The following MCPH1 variants were observed in gnomAD, a reference collection of about 807,000 sequenced individuals.
The protein encoded by MCPH1 is microcephalin.
A neutral mutation model predicts 84.5 loss-of-function variants in MCPH1; 104 were observed. The ratio of observed to expected loss-of-function variants is 1.23; its 90% CI spans 1.05 to 1.45. The LOEUF is 1.45. Ranked by LOEUF, MCPH1 falls within the 40% of genes most tolerant of loss-of-function variation. The pLI, the probability that MCPH1 is intolerant of heterozygous loss-of-function variation, is 0.00. For missense variants in MCPH1, 1,498 were observed against 1,005.7 expected, an observed-to-expected ratio of 1.49 and a Z score of -6.62; for synonymous variants, 514 against 366.8, an observed-to-expected ratio of 1.40 and a Z score of -4.58.
chr8:6,639,840 T>C (rs117450482), intron 13 of MCPH1, among the ~76,000 whole-genome samples: 2,315 of 152,252 alleles, frequency 0.015, 28 homozygotes, highest in Non-Finnish European at 0.025. Context: ...TCATTCTTTT[T>C]AACCATTGGG....
intron 9 of MCPH1, chr8:6,474,238 C>T (rs1808142900): frequency 5.1e-6 from 3 of 593,280 alleles, no homozygotes; most frequent in Non-Finnish European, 9.3e-6. Context: ...CATACAATTG[C>T]TTTTCTCAAG....
chr8:6,559,782 A>C (rs1825234213), intron 12 of MCPH1, among the ~76,000 whole-genome samples: 1 of 152,232 alleles, frequency 6.6e-6, no homozygotes, highest in Admixed American at 6.5e-5. Flanking sequence ...GGTTCACACT[A>C]GTTGCAGGAT....
chr8:6,496,073 A>G (rs529394315), intron 11 of MCPH1, among the ~76,000 whole-genome samples: 1 of 152,132 alleles, frequency 6.6e-6, no homozygotes, highest in South Asian at 2.1e-4. Context: ...CTTTATTTCT[A>G]TTATTATTAC....
chr8:6,515,567 G>A (rs777542903), intron 12 of MCPH1, among the ~76,000 whole-genome samples: 8 of 152,094 alleles, frequency 5.3e-5, no homozygotes, highest in South Asian at 2.1e-4. Context: ...TAAGCTAAGC[G>A]CATGCATGCT....
At chr8:6,440,909 G>C (rs1803413352) in intron 6 of MCPH1, among the ~76,000 whole-genome samples, 1 of 152,216 alleles carries the variant, frequency 6.6e-6, no homozygotes, top group Admixed American at 6.5e-5. Flanking sequence ...GAAGTAGGCA[G>C]CCAGGGCTGG....
At chr8:6,449,934 G>A (rs897455354) in intron 8 of MCPH1, among the ~76,000 whole-genome samples, 4 of 152,180 alleles carry the variant, frequency 2.6e-5, no homozygotes, top group African/African-American at 9.7e-5. Context: ...GCTTCTAGTT[G>A]CTTTTCACGA....
At chr8:6,414,549 C>T (rs1006878411) in intron 2 of MCPH1, among the ~76,000 whole-genome samples, 1 of 152,148 alleles carries the variant, frequency 6.6e-6, no homozygotes, top group Non-Finnish European at 1.5e-5. Flanking sequence ...AGTAACACTT[C>T]AGAGGGTTTT....
At chr8:6,630,693 A>C (rs974343348) in intron 13 of MCPH1, among the ~76,000 whole-genome samples, 2 of 151,672 alleles carry the variant, frequency 1.3e-5, no homozygotes, top group Non-Finnish European at 2.9e-5. Flanking sequence ...AGGCAGGAGA[A>C]TCGCTTGAAC....
At chr8:6,566,741 C>T (rs536598753) in intron 12 of MCPH1, among the ~76,000 whole-genome samples, 13 of 138,170 alleles carry the variant, frequency 9.4e-5, no homozygotes, top group African/African-American at 2.4e-4. Context: ...GGATAGTGCA[C>T]GTGTTGCGGT....
At chr8:6,481,033 C>T (rs910683008) in intron 11 of MCPH1, among the ~76,000 whole-genome samples, 157 bp downstream of exon 11, 3 of 152,242 alleles carry the variant, frequency 2.0e-5, no homozygotes, top group African/African-American at 7.2e-5. Context: ...TCCTGTTGGT[C>T]TCCCGTGGGC....
chr8:6,484,431 G>C (rs1341421574), intron 11 of MCPH1, among the ~76,000 whole-genome samples: 1 of 152,250 alleles, frequency 6.6e-6, no homozygotes, highest in African/African-American at 2.4e-5. Context: ...ACGGCTGCTG[G>C]TGTGTGTGGG....
intron 12 of MCPH1, among the ~76,000 whole-genome samples, chr8:6,590,947 G>C (rs1369998418): frequency 6.6e-6 from 1 of 152,198 alleles, no homozygotes; most frequent in African/African-American, 2.4e-5. Flanking sequence ...TGTTGCCCAG[G>C]CTGGAGTCCA....
At chr8:6,531,812 T>C (rs1819572455) in intron 12 of MCPH1, among the ~76,000 whole-genome samples, 2 of 152,218 alleles carry the variant, frequency 1.3e-5, no homozygotes, top group African/African-American at 2.4e-5. Context: ...AGCACCATCT[T>C]TTCTGTGGCT....
At chr8:6,493,447 T>C (rs1380625057) in intron 11 of MCPH1, among the ~76,000 whole-genome samples, 1 of 152,252 alleles carries the variant, frequency 6.6e-6, no homozygotes, top group African/African-American at 2.4e-5. Context: ...TATCGGTCAA[T>C]GTCTTCTAAA....
chr8:6,585,829 G>A (rs1827933286), intron 12 of MCPH1, among the ~76,000 whole-genome samples: 1 of 152,172 alleles, frequency 6.6e-6, no homozygotes, highest in Admixed American at 6.5e-5. Context: ...AAACACAGCA[G>A]CTTGGTTTCT....
At chr8:6,415,446 T>A (rs919399124) in intron 3 of MCPH1, among the ~76,000 whole-genome samples, 1 of 151,914 alleles carries the variant, frequency 6.6e-6, no homozygotes, top group African/African-American at 2.4e-5. Context: ...CTTTGCCTCC[T>A]GGGCTCAAGT....
intron 13 of MCPH1, chr8:6,625,375 C>T: frequency 1.0e-6 from 1 of 985,440 alleles, no homozygotes; most frequent in Non-Finnish European, 1.2e-6. Context: ...TTCGACAAAG[C>T]ACATTGTGTC....
At chr8:6,423,321 C>T (rs994169707) in intron 3 of MCPH1, among the ~76,000 whole-genome samples, 26 of 150,118 alleles carry the variant, frequency 1.7e-4, no homozygotes, top group Admixed American at 6.6e-4. Context: ...CCCGCCACCA[C>T]GCCTGGCTAA....
At position 6,440,670 on chromosome 8, in the gene MCPH1, T is replaced by C. The variant is rs897559960; in HGVS notation, c.581-1397T>C. ...TTTTTCAGTCGGAAGCTTGAAAAAC[T>C]GGATCTGTTCTTGAAGTTACTTTTG... On this transcript the variant is annotated intron_variant, in intron 6 of 13. Transcript: ENST00000344683. 1.1e-4 allele frequency among the ~76,000 whole-genome samples: 17 copies of C among 152,206 alleles called. 1 individual carries two copies. The highest frequency in any genetic ancestry group is 4.1e-4 in the African/African-American group (17 of 41,446).
Sources: gnomAD v4.1 joint callset for allele counts (sites outside exome capture counted in the v4.1 genomes callset) on GRCh38, gnomAD v4.1.1 for gene constraint, MANE v1.5 for transcripts, NCBI Gene and HGNC (gene_info 2026-07-23, HGNC 2026-07-21) for gene names.